DENND5A: variants seen among roughly 807,000 people sequenced by gnomAD.
The protein encoded by DENND5A is DENN domain-containing protein 5A.
Under a neutral mutation model 140.3 loss-of-function variants are expected in DENND5A, and 64 were observed. The observed-to-expected ratio is 0.46, with a 90% CI of 0.37 to 0.56. The LOEUF (loss-of-function observed/expected upper bound fraction) is 0.56. Among genes scored for constraint, DENND5A ranks in the 20% least tolerant of loss-of-function variants. The pLI, the probability that DENND5A is intolerant of heterozygous loss-of-function variation, is 0.00. For synonymous variants in DENND5A, 605 were observed against 607.7 expected (o/e 1.00, Z 0.07); for missense variants, 1,292 against 1,593.8 (o/e 0.81, Z 3.22).
chr11:9,178,219 G>A lies in DENND5A; in HGVS notation c.1819C>T (p.Arg607Ter), dbSNP rs750450139. The change falls in exon 8 of 23, where the codon CGA becomes TGA. Residue 607 changes from arginine to a stop codon, truncating the protein, a stop_gained. Coordinates refer to ENST00000328194, the MANE Select transcript of DENND5A (RefSeq NM_015213.4). LOFTEE classifies it high-confidence loss of function. Reference protein sequence around the residue: ...KDPVLRVFDSRVDKIRLLNVR... With the variant: ...KDPVLRVFDS ...TTCAACAGCCTGATCTTGTCAACTC[G>A]GGAATCAAATACCCGGAGTACAGGG... 3.7e-6 allele frequency: 6 copies of A among 1,614,022 alleles called. No homozygotes were observed. Among genetic ancestry groups the A allele is most frequent in the South Asian group, 1.1e-5 (1 of 91,078 alleles).
chr11:9,171,029 C>A, intron 8 of DENND5A: 1 of 506,714 alleles, frequency 2.0e-6, no homozygotes, highest in Non-Finnish European at 3.3e-6. Context: ...GAGGTAACCC[C>A]TAGAACTATC....
intron 8 of DENND5A, among the ~76,000 whole-genome samples, chr11:9,172,554 G>A (rs951673443): frequency 4.6e-5 from 7 of 152,228 alleles, no homozygotes; most frequent in Middle Eastern, 3.4e-3. Flanking sequence ...TGCTATTCTC[G>A]CGATAGTGAG....
intron 1 of DENND5A, among the ~76,000 whole-genome samples, chr11:9,210,488 T>C (rs1482872000): frequency 6.6e-6 from 1 of 152,212 alleles, no homozygotes; most frequent in Non-Finnish European, 1.5e-5. Context: ...TTACAAGAAC[T>C]TCTAATAGGT....
chr11:9,145,911 G>C, intron 16 of DENND5A, 96 bp from the exon 17 acceptor site: 1 of 1,341,734 alleles, frequency 7.5e-7, no homozygotes, highest in Non-Finnish European at 1.0e-6. Context: ...TGGCACAACT[G>C]TGGCTCCTGC....
At chr11:9,145,573 A>G (rs1043554055) in intron 17 of DENND5A, 97 bp downstream of exon 17, 22 of 1,302,056 alleles carry the variant, frequency 1.7e-5, no homozygotes, top group Non-Finnish European at 2.4e-5. Context: ...ATTACACTGT[A>G]CATAGCAAGC....
rs571743745 is a variant in DENND5A at position 9,207,465 on chromosome 11, A to C, written c.181+96T>G. On this transcript the variant is annotated intron_variant, in intron 2 of 22. Coordinates refer to ENST00000328194, the MANE Select transcript of DENND5A (RefSeq NM_015213.4). ...TCTAGTGGTCAAAAAAGGCACAAGA[A>C]AGTTAGAAGGTCAAAGGTTACAAAA... The C allele has an allele frequency of 1.5e-4, 136 of 904,090 alleles. 2 individuals carry two copies. The South Asian group carries it at 2.0e-3, about 13-fold the overall frequency. 56.0% of individuals were successfully genotyped at this position (904,090 alleles called of 1,614,324 possible). A position where few individuals can be genotyped will look rare whatever the true frequency, so the allele number is the denominator to read the frequency against.
At chr11:9,250,884 AGCACT>A (rs1465187470) in intron 1 of DENND5A, among the ~76,000 whole-genome samples, 1 of 152,190 alleles carries the variant, frequency 6.6e-6, no homozygotes, top group Non-Finnish European at 1.5e-5. Context: ...CTGTAATCCC[AGCACT>A]TTGGCAGGCT....
chr11:9,154,987 T>C (rs1373921459), intron 12 of DENND5A, among the ~76,000 whole-genome samples: 1 of 151,760 alleles, frequency 6.6e-6, no homozygotes. Flanking sequence ...CCATCTCTAC[T>C]AAAATACAAA....
At position 9,204,303 on chromosome 11, in the gene DENND5A, T is replaced by C. The variant is rs1057280465; in HGVS notation, c.306A>G (p.Lys102=). The C allele has an allele frequency of 3.9e-5, 63 of 1,610,596 alleles. No homozygotes were observed. The highest frequency in any genetic ancestry group is 5.1e-5 in the Non-Finnish European group (60 of 1,179,816). ...CAGCCTGGGTCTTGAATGCCAGCCCTTTCGGCATACATAGCTGCAAAAGAC... is the reference window on the plus strand; with the variant it reads ...CAGCCTGGGTCTTGAATGCCAGCCCCTTCGGCATACATAGCTGCAAAAGAC... ...QDAVGMLCMP[K]GLAFKTQADP... is the part of the protein sequence containing the mutation. Residue 102 remains lysine, a synonymous_variant, in exon 4 of 23, where the codon AAA becomes AAG. Coordinates refer to ENST00000328194, the MANE Select transcript of DENND5A (RefSeq NM_015213.4).
At chr11:9,176,335 T>C (rs981494369) in intron 8 of DENND5A, among the ~76,000 whole-genome samples, 1 of 152,214 alleles carries the variant, frequency 6.6e-6, no homozygotes, top group Non-Finnish European at 1.5e-5. Flanking sequence ...GGTAGGTAGT[T>C]ATAAAATGCA....
chr11:9,238,257 A>G (rs1204618251), intron 1 of DENND5A, among the ~76,000 whole-genome samples: 2 of 152,178 alleles, frequency 1.3e-5, no homozygotes, highest in East Asian at 1.9e-4. Flanking sequence ...AAAATTTTAC[A>G]TTACACATTA....
intron 4 of DENND5A, among the ~76,000 whole-genome samples, chr11:9,203,276 A>G (rs1438346513): frequency 1.3e-5 from 2 of 152,238 alleles, no homozygotes; most frequent in Non-Finnish European, 2.9e-5. Flanking sequence ...ATAAAGGATT[A>G]TCCTTTGTGA....
At chr11:9,172,613 C>T (rs1848408119) in intron 8 of DENND5A, among the ~76,000 whole-genome samples, 2 of 152,146 alleles carry the variant, frequency 1.3e-5, no homozygotes, top group South Asian at 4.1e-4. Flanking sequence ...CATTTGCCCT[C>T]CTGGTACTCA....
intron 7 of DENND5A, 51 bp from the exon 8 acceptor site, chr11:9,178,417 A>G: frequency 8.4e-7 from 1 of 1,189,654 alleles, no homozygotes; most frequent in East Asian, 2.5e-5. Flanking sequence ...GGTAATGTCA[A>G]TGTGCCCAAG....
At chr11:9,244,793 G>T (rs767893585) in intron 1 of DENND5A, among the ~76,000 whole-genome samples, 3 of 152,100 alleles carry the variant, frequency 2.0e-5, no homozygotes, top group Non-Finnish European at 2.9e-5. Flanking sequence ...TCCCACCTCA[G>T]TCTCCTGAGG....
intron 1 of DENND5A, among the ~76,000 whole-genome samples, chr11:9,248,390 C>A (rs1467325505): frequency 1.3e-5 from 2 of 151,608 alleles, no homozygotes; most frequent in Admixed American, 6.6e-5. Flanking sequence ...CCTCATTATA[C>A]CCCTCTCCAA....
At chr11:9,153,344 CAAAAAAA>C (rs59736475) in intron 12 of DENND5A, among the ~76,000 whole-genome samples, 70 of 27,028 alleles carry the variant, frequency 2.6e-3, no homozygotes, top group Non-Finnish European at 4.0e-3. Context: ...GGCTCCCTCT[CAAAAAAA>C]AAAAAAAAAA....
In DENND5A at chr11:9,145,962, G is replaced by A. The variant is rs1847418817; in HGVS notation, c.2858-147C>T. 3.6e-6 allele frequency: 3 copies of A among 838,326 alleles called. No homozygotes were observed. In the African/African-American group the frequency reaches 5.1e-5, roughly 14 times the overall value. 51.9% of individuals were successfully genotyped at this position (838,326 alleles called of 1,614,324 possible). ...AGAGCCCTGGAACAAGAGGGCCCCA[G>A]GACCTAGTCCCTGGCTAATGTAGAA... On this transcript the variant is annotated intron_variant, in intron 16 of 22. Transcript: ENST00000328194.
chr11:9,214,162 T>C (rs1205061339), intron 1 of DENND5A, among the ~76,000 whole-genome samples: 1 of 152,158 alleles, frequency 6.6e-6, no homozygotes, highest in African/African-American at 2.4e-5. Context: ...ACTTGTGAAA[T>C]AGACTGCCCA....
Sources: gnomAD v4.1 joint callset for allele counts (sites outside exome capture counted in the v4.1 genomes callset) on GRCh38, gnomAD v4.1.1 for gene constraint, MANE v1.5 for transcripts, NCBI Gene and HGNC (gene_info 2026-07-23, HGNC 2026-07-21) for gene names.